NOL11: variants seen among roughly 807,000 people sequenced by gnomAD.
The protein encoded by NOL11 is nucleolar protein 11.
A neutral mutation model predicts 93.0 loss-of-function variants in NOL11; 42 were observed. The observed-to-expected ratio is 0.45, with a 90% CI of 0.35 to 0.58. The LOEUF is 0.58. NOL11 is among the 20% of genes least tolerant of loss of function. The probability of loss-of-function intolerance (pLI) is 0.00; values close to 1 mark genes in which losing one functional copy is unlikely to be tolerated. For missense variants in NOL11, 775 were observed against 841.8 expected (o/e 0.92, Z 0.98); for synonymous variants, 296 against 293.7 (o/e 1.01, Z -0.08).
rs892572640 is a variant in NOL11 at position 67,736,981 on chromosome 17, C to T, written c.1144-90C>T. ...AGTTTTTGATGAGAGCAAAAGTGTG[C>T]TAATCTCTTTGGAGTGTTTCATATC... is the stretch of plus-strand genomic sequence containing the variant. On this transcript the variant is annotated intron_variant, in intron 10 of 17. Transcript: ENST00000253247. 4.1e-5 allele frequency: 36 copies of T among 880,782 alleles called. No homozygotes were observed. In the Middle Eastern group the frequency reaches 1.0e-3, roughly 24 times the overall value. 54.6% of individuals were successfully genotyped at this position (880,782 alleles called of 1,614,324 possible).
intron 7 of NOL11, among the ~76,000 whole-genome samples, chr17:67,727,657 CA>C (rs1296534362): frequency 0.027 from 3,788 of 139,498 alleles, 149 homozygotes; most frequent in African/African-American, 0.091. Flanking sequence ...AACTCCGTCT[CA>C]AAAAAAAAAA....
In NOL11 at chr17:67,739,532, T is replaced by C. The variant is rs750502902; in HGVS notation, c.1859T>C (p.Leu620Ser). 4.4e-6 allele frequency: 7 copies of C among 1,588,726 alleles called. No homozygotes were observed. The African/African-American group carries it at 8.2e-5, about 19-fold the overall frequency. Residue 620 changes from leucine (L) to serine (S), a missense_variant, in exon 16 of 18, where the codon TTG becomes TCG. Leu to Ser is a moderately radical substitution (Grantham distance 145). Transcript: ENST00000253247. Reference sequence around the variant, plus strand: ...CCCACCCAGCTGTTTCTTAAGTATTTGTATTTCCTGTACCTGAAGTGTAGC... The same window carrying C: ...CCCACCCAGCTGTTTCTTAAGTATTCGTATTTCCTGTACCTGAAGTGTAGC... ...AQHITLFLKY[L>S]YFLYLKCSEN...
rs777356149 is a variant in NOL11 at position 67,726,582 on chromosome 17, G to T, written c.787G>T (p.Val263Phe). 1 of 1,614,052 alleles carries T rather than the reference G, an allele frequency of 6.2e-7. No homozygotes were observed. The highest frequency in any genetic ancestry group is 8.5e-7 in the Non-Finnish European group (1 of 1,180,000). The change falls in exon 7 of 18, where the codon GTT becomes TTT. Residue 263 changes from valine to phenylalanine, a missense_variant. By Grantham distance (50) the Val-to-Phe change is conservative (BLOSUM62 -1). Coordinates refer to ENST00000253247, the MANE Select transcript of NOL11 (RefSeq NM_015462.5). The part of the protein sequence containing the change: ...AVVSGNARNG[V>F]ALTALDQDHV... ...TGTATCTGGTAACGCTCGAAATGGA[G>T]TTGCACTCACTGCCCTGGATCAGGA...
rs2043208142 is a variant in NOL11 at position 67,720,284 on chromosome 17, G to A, written c.312+322G>A. The A allele has an allele frequency of 1.8e-5, 3 of 168,036 alleles. No homozygotes were observed. In the Admixed American group the frequency reaches 1.9e-4, roughly 11 times the overall value. The allele number at this position is 168,036 out of a possible 1,614,324, so 10.4% of individuals were successfully genotyped here. A position where few individuals can be genotyped will look rare whatever the true frequency, so the allele number is the denominator to read the frequency against. On this transcript the variant is annotated intron_variant, in intron 3 of 17. Transcript: ENST00000253247. Reference sequence around the variant, plus strand: ...GTAGAATAGACCCTGCAAGTTTCGTGTATTGGTGTATTGTACTTTTTTTTT... The same window carrying A: ...GTAGAATAGACCCTGCAAGTTTCGTATATTGGTGTATTGTACTTTTTTTTT...
intron 15 of NOL11, 142 bp downstream of exon 15, chr17:67,739,152 T>C (rs2055231467): frequency 3.1e-6 from 2 of 648,160 alleles, no homozygotes; most frequent in African/African-American, 1.8e-5. Context: ...TGGCAAAAAA[T>C]TGTGCTGAGA....
intron 16 of NOL11, among the ~76,000 whole-genome samples, chr17:67,742,233 AC>A (rs2055263180): frequency 1.3e-5 from 2 of 152,182 alleles, no homozygotes; most frequent in African/African-American, 4.8e-5. Flanking sequence ...TGTCAAACTT[AC>A]TTTTTGCCAA....
At chr17:67,730,642 AT>A (rs35406909) in intron 7 of NOL11, among the ~76,000 whole-genome samples, 124,406 of 152,108 alleles carry the variant, frequency 0.82, 51,229 homozygotes, top group Middle Eastern at 0.88. Context: ...TTAGTTTTTC[AT>A]TTTTTTAATT....
intron 7 of NOL11, among the ~76,000 whole-genome samples, chr17:67,729,692 A>C (rs1013979910): frequency 2.6e-5 from 4 of 151,116 alleles, no homozygotes; most frequent in African/African-American, 7.3e-5. Context: ...CATTCCCCTG[A>C]CTCAGCCTCC....
In NOL11 at chr17:67,743,795, A is replaced by G. The variant is rs775892220; in HGVS notation, c.2096A>G (p.Gln699Arg). 9.0e-6 allele frequency: 14 copies of G among 1,554,332 alleles called. No homozygotes were observed. Among genetic ancestry groups the G allele is most frequent in the Non-Finnish European group, 1.2e-5 (14 of 1,157,260 alleles). The change falls in exon 18 of 18, where the codon CAG (glutamine) becomes CGG (arginine). Residue 699 changes from glutamine (Q) to arginine (R), a missense_variant. Transcript: ENST00000253247. ...ATTGAAGTAAGTTTTCGGGAGCTACAGAAATTAAATCAAGAAAAGAATAAT... is the reference window on the plus strand; with the variant it reads ...ATTGAAGTAAGTTTTCGGGAGCTACGGAAATTAAATCAAGAAAAGAATAAT... The part of the protein sequence containing the change: ...NKIEVSFREL[Q>R]KLNQEKNNRG...
chr17:67,718,186 G>A (rs994720219), intron 1 of NOL11, 98 bp downstream of exon 1: 2 of 1,519,730 alleles, frequency 1.3e-6, no homozygotes, highest in African/African-American at 2.7e-5. Flanking sequence ...GAAAGAGATC[G>A]TGGAGAAGGC....
intron 7 of NOL11, among the ~76,000 whole-genome samples, chr17:67,728,200 C>A (rs1302597649): frequency 6.6e-6 from 1 of 152,176 alleles, no homozygotes; most frequent in Non-Finnish European, 1.5e-5. Flanking sequence ...GCAGAGCTTG[C>A]AGTGAGCTGA....
chr17:67,737,619 T>C lies in NOL11; in HGVS notation c.1330T>C (p.Cys444Arg). The C allele has an allele frequency of 6.2e-7, 1 of 1,614,166 alleles. No individual in the cohort carries two copies. The highest frequency in any genetic ancestry group is 8.5e-7 in the Non-Finnish European group (1 of 1,180,006). The change falls in exon 12 of 18, where the codon TGT becomes CGT. Residue 444 changes from cysteine to arginine, a missense_variant. Physicochemically the swap from Cys to Arg is radical, Grantham distance 180 (BLOSUM62 -3). Coordinates refer to ENST00000253247, the MANE Select transcript of NOL11 (RefSeq NM_015462.5). ...CACAGTAACAGGACTTCTGGAAAGG[T>C]GTAAAGCAGAACCATCATTTTATCC... ...GDTVTGLLER[C>R]KAEPSFYPRN...
chr17:67,725,699 A>G (rs1347835919), intron 6 of NOL11, among the ~76,000 whole-genome samples: 1 of 152,184 alleles, frequency 6.6e-6, no homozygotes, highest in African/African-American at 2.4e-5. Context: ...TTACGTAACA[A>G]TTGCTAGAAC....
rs748756964 is a variant in NOL11 at position 67,726,499 on chromosome 17, G to A, written c.704G>A (p.Arg235His). ...GCIYETLIPIRPADPEKNQSL... is the reference protein window; with the variant it reads ...GCIYETLIPIHPADPEKNQSL... ...ATATATGAAACCTTGATACCAATACGTCCAGCTGACCCAGAAAAAAATCAG... is the reference window on the plus strand; with the variant it reads ...ATATATGAAACCTTGATACCAATACATCCAGCTGACCCAGAAAAAAATCAG... Residue 235 changes from arginine (R) to histidine (H), a missense_variant, in exon 7 of 18, where the codon CGT (arginine) becomes CAT (histidine). Transcript: ENST00000253247. 1.6e-5 allele frequency: 26 copies of A among 1,613,690 alleles called. No individual in the cohort carries two copies. Among genetic ancestry groups the A allele is most frequent in the South Asian group, 1.5e-4 (14 of 91,012 alleles).
chr17:67,738,009 A>C (rs2055218983), intron 13 of NOL11, 37 bp downstream of exon 13: 5 of 1,572,538 alleles, frequency 3.2e-6, no homozygotes, highest in Admixed American at 2.0e-5. Flanking sequence ...TCTTCACTAC[A>C]TTTATAATCT....
chr17:67,734,110 G>GAAA (rs2055179220), intron 7 of NOL11, among the ~76,000 whole-genome samples: 1 of 152,034 alleles, frequency 6.6e-6, no homozygotes, highest in African/African-American at 2.4e-5. Context: ...ATCTGGTCTT[G>GAAA]GGCTTTTCTT....
intron 14 of NOL11, 128 bp from the exon 15 acceptor site, chr17:67,738,804 A>G (rs2055227813): frequency 3.2e-6 from 2 of 618,480 alleles, no homozygotes; most frequent in Admixed American, 6.0e-5. Context: ...GTGTTTGGTG[A>G]TAGAGCTCTT....
intron 3 of NOL11, 134 bp from the exon 4 acceptor site, chr17:67,721,244 A>T (rs1185172477): frequency 1.8e-6 from 1 of 561,226 alleles, no homozygotes; most frequent in Non-Finnish European, 3.0e-6. Context: ...TTTTGGAACC[A>T]TACATAATTA....
intron 15 of NOL11, 133 bp from the exon 16 acceptor site, chr17:67,739,383 T>G (rs1374535571): frequency 3.4e-6 from 2 of 584,840 alleles, no homozygotes; most frequent in African/African-American, 3.9e-5. Flanking sequence ...TTTATTCATT[T>G]TTATGTCTCC....
Sources: allele counts gnomAD v4.1 joint callset (sites outside exome capture counted in the v4.1 genomes callset), GRCh38; gene constraint gnomAD v4.1.1; transcripts MANE v1.5; gene names NCBI Gene and HGNC (gene_info 2026-07-23, HGNC 2026-07-21).